HOMER2: variants seen among roughly 807,000 people sequenced by gnomAD.
The protein encoded by HOMER2 is homer scaffold protein 2, also known as homer protein homolog 2.
A neutral mutation model predicts 47.0 loss-of-function variants in HOMER2; 27 were observed. The observed-to-expected ratio is 0.57, with a 90% CI of 0.42 to 0.79. The LOEUF (loss-of-function observed/expected upper bound fraction) is 0.79, where lower values mean the gene tolerates loss of function less well. HOMER2 is among the 30% of genes least tolerant of loss of function. The probability of loss-of-function intolerance (pLI) is 0.00; values close to 1 mark genes in which losing one functional copy is unlikely to be tolerated. For missense variants in HOMER2, 443 were observed against 435.0 expected, an observed-to-expected ratio of 1.02 and a Z score of -0.16; for synonymous variants, 161 against 163.8, an observed-to-expected ratio of 0.98 and a Z score of 0.13.
chr15:82,945,155 C>T lies in HOMER2; in HGVS notation c.5+7376G>A, dbSNP rs138257409. Among the ~76,000 whole-genome samples the T allele has an allele frequency of 1.3e-3, 200 of 151,524 alleles. 1 individual carries two copies. Among genetic ancestry groups the T allele is most frequent in the Middle Eastern group, 6.8e-3 (2 of 292 alleles). On this transcript the variant is annotated intron_variant, in intron 1 of 8. Coordinates refer to ENST00000450735, the MANE Select transcript of HOMER2 (RefSeq NM_004839.4). ...TTAATTGTGATCTTGGTCTCCTCTA[C>T]CATTTCTTTCCTTCAGTAATTCATT...
At chr15:82,970,416 A>G (rs1334219081) in intron 1 of HOMER2, among the ~76,000 whole-genome samples, 2 of 152,216 alleles carry the variant, frequency 1.3e-5, no homozygotes, top group Non-Finnish European at 2.9e-5. Context: ...TTCCCTGAAA[A>G]TGGACCTAAT....
chr15:82,869,450 C>CTTTTT (rs71822678), intron 3 of HOMER2, among the ~76,000 whole-genome samples: 839 of 70,260 alleles, frequency 0.012, 221 homozygotes, highest in African/African-American at 0.03. Context: ...TACTAAACAT[C>CTTTTT]TTTTTTTTTT....
At chr15:82,939,276 C>T (rs904430842) in intron 1 of HOMER2, among the ~76,000 whole-genome samples, 1 of 152,210 alleles carries the variant, frequency 6.6e-6, no homozygotes, top group Non-Finnish European at 1.5e-5. Flanking sequence ...AATGGTAATT[C>T]AGCCTCTTGC....
intron 4 of HOMER2, among the ~76,000 whole-genome samples, chr15:82,861,166 T>C (rs1268047752): frequency 6.6e-6 from 1 of 152,178 alleles, no homozygotes; most frequent in Non-Finnish European, 1.5e-5. Context: ...GTTTGTGGTA[T>C]GCATCACAAG....
intron 1 of HOMER2, among the ~76,000 whole-genome samples, chr15:82,910,834 A>G (rs2151148176): frequency 6.6e-6 from 1 of 152,256 alleles, no homozygotes; most frequent in East Asian, 1.9e-4. Flanking sequence ...CAGCAACGTA[A>G]CAGTGCCTAG....
At chr15:82,928,353 T>C (rs1276409028) in intron 1 of HOMER2, among the ~76,000 whole-genome samples, 2 of 152,220 alleles carry the variant, frequency 1.3e-5, no homozygotes, top group African/African-American at 2.4e-5. Context: ...GTTTCCGCCA[T>C]GCAAATATTT....
intron 1 of HOMER2, among the ~76,000 whole-genome samples, chr15:82,902,781 C>T (rs1341033451): frequency 6.6e-6 from 1 of 152,028 alleles, no homozygotes; most frequent in African/African-American, 2.4e-5. Flanking sequence ...AAATAATGTT[C>T]TCAATTTTAA....
chr15:82,925,656 C>T (rs1004388094), intron 1 of HOMER2, among the ~76,000 whole-genome samples: 1 of 152,172 alleles, frequency 6.6e-6, no homozygotes, highest in Non-Finnish European at 1.5e-5. Flanking sequence ...TAGCCCAACC[C>T]ACCACCCTCT....
At chr15:82,944,236 C>T (rs1057200950) in intron 1 of HOMER2, among the ~76,000 whole-genome samples, 2 of 152,120 alleles carry the variant, frequency 1.3e-5, no homozygotes, top group Admixed American at 1.3e-4. Flanking sequence ...TCCCATCCTG[C>T]CGTTCTTCCC....
chr15:82,878,095 G>A (rs1030103347), intron 2 of HOMER2, among the ~76,000 whole-genome samples: 1 of 152,174 alleles, frequency 6.6e-6, no homozygotes, highest in Non-Finnish European at 1.5e-5. Flanking sequence ...CATCCATTCA[G>A]AAACTGGATT....
rs920947134 is a variant in HOMER2, at chr15:82,854,503, C to G, written c.651+141G>C. On this transcript the variant is annotated intron_variant, in intron 6 of 8. Coordinates refer to ENST00000450735, the MANE Select transcript of HOMER2 (RefSeq NM_004839.4). ...AAAGGCAGGGAGGGGGAGGGACGTTCCCATGGGAGAGGCAGCAAGTCTTCC... is the reference window on the plus strand; with the variant it reads ...AAAGGCAGGGAGGGGGAGGGACGTTGCCATGGGAGAGGCAGCAAGTCTTCC... 6.0e-5 allele frequency: 46 copies of G among 766,410 alleles called. 1 individual carries two copies. The highest frequency in any genetic ancestry group is 9.2e-5 in the Non-Finnish European group (45 of 486,852). The allele number at this position is 766,410 out of a possible 1,614,324, so 47.5% of individuals were successfully genotyped here.
intron 5 of HOMER2, among the ~76,000 whole-genome samples, chr15:82,856,937 C>G (rs1191951707): frequency 6.6e-6 from 1 of 152,170 alleles, no homozygotes; most frequent in Admixed American, 6.5e-5. Context: ...GGAAGGTTTA[C>G]TAGCCATGTG....
chr15:82,949,743 G>T (rs1287497312), intron 1 of HOMER2, among the ~76,000 whole-genome samples: 2 of 152,120 alleles, frequency 1.3e-5, no homozygotes, highest in African/African-American at 4.8e-5. Flanking sequence ...CAATATGGTG[G>T]CCACTAGCTA....
At chr15:82,905,717 G>T (rs564009648) in intron 1 of HOMER2, among the ~76,000 whole-genome samples, 1 of 152,248 alleles carries the variant, frequency 6.6e-6, no homozygotes, top group Admixed American at 6.5e-5. Flanking sequence ...TGTACTCTGA[G>T]AAATTATTGT....
chr15:82,956,349 A>C (rs2054587762), upstream of HOMER2, among the ~76,000 whole-genome samples: 1 of 151,928 alleles, frequency 6.6e-6, no homozygotes, highest in Non-Finnish European at 1.5e-5. Context: ...GAGGTGGTAG[A>C]GAATCATGCT....
rs559701201 is a variant in HOMER2, at chr15:82,967,894, A to C, written n.83-8586T>G. On this transcript the variant is annotated intron_variant and non_coding_transcript_variant, in intron 1 of 1. Transcript: ENST00000500334. Reference sequence around the variant, plus strand: ...TCTGTCTCAGGAAAAAAAAAACCAAACAAACAAAAAACCACTCCACAAAGC... The same window carrying C: ...TCTGTCTCAGGAAAAAAAAAACCAACCAAACAAAAAACCACTCCACAAAGC... Among the ~76,000 whole-genome samples, 228 of 152,032 alleles carry C rather than the reference A, an allele frequency of 1.5e-3. 1 individual carries two copies. The highest frequency in any genetic ancestry group is 5.2e-3 in the African/African-American group (215 of 41,474).
intron 1 of HOMER2, among the ~76,000 whole-genome samples, chr15:82,974,096 C>T (rs2030108113): frequency 6.6e-6 from 1 of 151,526 alleles, no homozygotes; most frequent in East Asian, 1.9e-4. Flanking sequence ...AAGCCAATGT[C>T]CTTCCCACTT....
chr15:82,976,391 G>A (rs1269711044), intron 1 of HOMER2, among the ~76,000 whole-genome samples: 2 of 151,968 alleles, frequency 1.3e-5, no homozygotes, highest in African/African-American at 2.4e-5. Context: ...TCCGCACCCC[G>A]GGTTCAAGCG....
Position 82,905,270 on chromosome 15 carries a change from G to C in HOMER2, c.6-12429C>G, listed in dbSNP as rs550912257. Among the ~76,000 whole-genome samples the C allele has an allele frequency of 4.6e-3, 567 of 122,760 alleles. 5 individuals are homozygous for C. The highest frequency in any genetic ancestry group is 0.016 in the African/African-American group (552 of 34,280). 80.5% of individuals were successfully genotyped at this position (122,760 alleles called of 152,430 possible). On this transcript the variant is annotated intron_variant, in intron 1 of 8. Transcript: ENST00000450735. ...AACTTTCAAAACTAAAAAGCAAAGA[G>C]AAAAGACTGAAAAAAAAAAAACCAC...
Sources: gnomAD v4.1 joint callset for allele counts (sites outside exome capture counted in the v4.1 genomes callset) on GRCh38, gnomAD v4.1.1 for gene constraint, MANE v1.5 for transcripts, NCBI Gene and HGNC (gene_info 2026-07-23, HGNC 2026-07-21) for gene names.